Variants in GRK1 observed in about 807,000 individuals in gnomAD.
GRK1 encodes rhodopsin kinase GRK1.
In GRK1, 28 loss-of-function variants were observed where a neutral mutation model predicts 41.7. That is an observed-to-expected ratio of 0.67 (90% confidence interval 0.50 to 0.92). GRK1 has a LOEUF of 0.92. Ranked by LOEUF, GRK1 falls within the 40% of genes least tolerant of loss-of-function variation. The pLI is 0.00. For synonymous variants in GRK1, 327 were observed against 286.7 expected (o/e 1.14, Z -1.42); for missense variants, 703 against 671.2 (o/e 1.05, Z -0.52).
At position 113,731,295 on chromosome 13, in the gene GRK1, G is replaced by A; in HGVS notation, c.1146G>A (p.Leu382=). ...SVDYFALGVT[L]YEMIAARGPF... is the part of the protein sequence containing the mutation. ...ACTACTTTGCCCTGGGGGTCACCCT[G>A]TATGAGATGATTGCGGCCAGAGGAC... The change falls in exon 5 of 7, where the codon CTG becomes CTA. Residue 382 remains leucine (L), a synonymous_variant. Coordinates refer to ENST00000335678, the MANE Select transcript of GRK1 (RefSeq NM_002929.3). The surrounding 1 kb of genome is among the most constrained non-coding windows in gnomAD (Gnocchi z 5.6). The A allele has an allele frequency of 2.0e-6, 3 of 1,537,108 alleles. No individual in the cohort carries two copies. The highest frequency in any genetic ancestry group is 2.6e-6 in the Non-Finnish European group (3 of 1,146,860).
chr13:113,656,307 C>T, the GRK1 span, among the ~76,000 whole-genome samples: 6 of 152,194 alleles, frequency 3.9e-5, no homozygotes, highest in South Asian at 2.1e-4. Flanking sequence ...TCTGTTCCCC[C>T]GCTGTGGGTC....
At position 113,670,603 on chromosome 13, in the gene GRK1, G is replaced by A. The variant is rs367889607; in HGVS notation, c.827+789G>A. On this transcript the variant is annotated intron_variant, in intron 2 of 6. Coordinates refer to ENST00000335678, the MANE Select transcript of GRK1 (RefSeq NM_002929.3). ...AGGCTGGTGGCCCCATTTTTCAGATGAGAAATGTGAGTCCAGACTAAGTCA... is the reference window on the plus strand; with the variant it reads ...AGGCTGGTGGCCCCATTTTTCAGATAAGAAATGTGAGTCCAGACTAAGTCA... Among the ~76,000 whole-genome samples the A allele has an allele frequency of 1.1e-3, 170 of 152,304 alleles. 7 individuals are homozygous for A. The South Asian group carries it at 0.031, about 28-fold the overall frequency.
chr13:113,660,053 CCTT>C, the GRK1 span, among the ~76,000 whole-genome samples: 1 of 152,192 alleles, frequency 6.6e-6, no homozygotes, highest in Non-Finnish European at 1.5e-5. Flanking sequence ...ATCAGAATGA[CCTT>C]CTTCTGGACA....
chr13:113,733,584 T>C (rs1366687420), intron 6 of GRK1, among the ~76,000 whole-genome samples: 2 of 151,076 alleles, frequency 1.3e-5, no homozygotes, highest in African/African-American at 2.4e-5. Flanking sequence ...TGTGTGTGCA[T>C]ACGTGTGTGT....
At chr13:113,666,166 C>T (rs1161243245), upstream of GRK1, among the ~76,000 whole-genome samples, 1 of 138,420 alleles carries the variant, frequency 7.2e-6, no homozygotes, top group Non-Finnish European at 1.5e-5. Context: ...CAAGTGTTCC[C>T]CAGCTGCATT....
At chr13:113,664,761 C>T (rs1406913746), upstream of GRK1, among the ~76,000 whole-genome samples, 3 of 152,074 alleles carry the variant, frequency 2.0e-5, no homozygotes, top group Non-Finnish European at 4.4e-5. The surrounding 1 kb of genome is among the most constrained non-coding windows in gnomAD (Gnocchi z 5.4). Context: ...GGTCTCCGGG[C>T]GATTCATGTG....
intron 4 of GRK1, among the ~76,000 whole-genome samples, chr13:113,723,893 T>C (rs2049873444): frequency 7.2e-6 from 1 of 139,626 alleles, no homozygotes; most frequent in Admixed American, 6.9e-5. Context: ...CACGTGTCCG[T>C]GTACCTGTAT....
the GRK1 span, chr13:113,654,871 G>A: frequency 2.5e-6 from 4 of 1,613,920 alleles, no homozygotes; most frequent in Non-Finnish European, 3.4e-6. Context: ...GTCTGCATCA[G>A]CACATAGAGG....
At chr13:113,725,083 G>A (rs1383451994) in intron 4 of GRK1, among the ~76,000 whole-genome samples, 4 of 152,382 alleles carry the variant, frequency 2.6e-5, no homozygotes, top group Middle Eastern at 3.4e-3. Context: ...ACAGTGACCT[G>A]GAGATGCTGC....
At chr13:113,655,866 A>G in the GRK1 span, among the ~76,000 whole-genome samples, 5 of 152,354 alleles carry the variant, frequency 3.3e-5, no homozygotes, top group East Asian at 9.7e-4. Flanking sequence ...AAGGGAGTGC[A>G]GGGCCAAGAG....
chr13:113,723,221 T>C (rs1357666894), intron 4 of GRK1, 64 bp downstream of exon 4: 3 of 654,720 alleles, frequency 4.6e-6, no homozygotes, highest in Non-Finnish European at 8.6e-6. Flanking sequence ...TACATGTGTG[T>C]GCCTGTGTGC....
At position 113,667,729 on chromosome 13, in the gene GRK1, C is replaced by G; in HGVS notation, c.343C>G (p.Leu115Val). 1 of 1,613,942 alleles carries G rather than the reference C, an allele frequency of 6.2e-7. No individual in the cohort carries two copies. The highest frequency in any genetic ancestry group is 1.1e-5 in the South Asian group (1 of 91,084). ...QKAQTILAQY[L>V]DPQAKLFCSF... ...GGCCCAGACCATCCTGGCCCAGTAC[C>G]TGGACCCCCAGGCCAAACTCTTCTG... Residue 115 changes from leucine (L) to valine (V), a missense_variant, in exon 1 of 7, where the codon CTG (leucine) becomes GTG (valine). Physicochemically the swap from Leu to Val is conservative, Grantham distance 32. Transcript: ENST00000335678. This position sits in a 1 kb window ranked among gnomAD's most constrained non-coding sequence, Gnocchi z 7.5.
chr13:113,659,999 T>C, the GRK1 span, among the ~76,000 whole-genome samples: 1 of 152,230 alleles, frequency 6.6e-6, no homozygotes, highest in Non-Finnish European at 1.5e-5. Flanking sequence ...ATGTAGTCTC[T>C]GAATTTCCAG....
the GRK1 span, among the ~76,000 whole-genome samples, chr13:113,657,037 G>C: frequency 6.6e-6 from 1 of 152,224 alleles, no homozygotes; most frequent in Non-Finnish European, 1.5e-5. Flanking sequence ...ACTCCAGCTG[G>C]CTCTGGTGCC....
At chr13:113,732,010 A>G (rs1401047600) in intron 5 of GRK1, among the ~76,000 whole-genome samples, 1 of 152,202 alleles carries the variant, frequency 6.6e-6, no homozygotes, top group Non-Finnish European at 1.5e-5. Context: ...CTAGGCCACC[A>G]GAACTGCAAA....
At chr13:113,657,925 G>A in the GRK1 span, 20 of 890,898 alleles carry the variant, frequency 2.2e-5, no homozygotes, top group Non-Finnish European at 3.2e-5. Context: ...CAGCATCGGG[G>A]TCTCACTGTC....
chr13:113,735,518 G>A lies in GRK1; in HGVS notation c.*155G>A. ...CGCCATCTCCTTGCGGCCCAAGGAG[G>A]AGAAAGCCCACATCGGCCTGAGCCG... On this transcript the variant is annotated 3_prime_UTR_variant, in exon 7 of 7. Coordinates refer to ENST00000335678, the MANE Select transcript of GRK1 (RefSeq NM_002929.3). 1 of 824,374 alleles carries A rather than the reference G, an allele frequency of 1.2e-6. No individual in the cohort carries two copies. Among genetic ancestry groups the A allele is most frequent in the Non-Finnish European group, 1.8e-6 (1 of 569,320 alleles). The allele number at this position is 824,374 out of a possible 1,614,324, so 51.1% of individuals were successfully genotyped here.
At chr13:113,657,329 G>A in the GRK1 span, among the ~76,000 whole-genome samples, 3 of 152,236 alleles carry the variant, frequency 2.0e-5, no homozygotes, top group Non-Finnish European at 4.4e-5. Flanking sequence ...GGGAGGTGGG[G>A]GCGCACAGGT....
chr13:113,650,830 A>G, the GRK1 span, among the ~76,000 whole-genome samples: 2 of 152,112 alleles, frequency 1.3e-5, no homozygotes, highest in Non-Finnish European at 2.9e-5. The surrounding 1 kb of genome is among the most constrained non-coding windows in gnomAD (Gnocchi z 5.0). Flanking sequence ...GCTCAGTGGC[A>G]AGGGCTGGTT....
Sources: allele counts gnomAD v4.1 joint callset (sites outside exome capture counted in the v4.1 genomes callset), GRCh38; gene constraint gnomAD v4.1.1; non-coding constraint Gnocchi (gnomAD v3.1); transcripts MANE v1.5; gene names NCBI Gene and HGNC (gene_info 2026-07-23, HGNC 2026-07-21).